The following MRPL52 variants were observed in gnomAD, a reference collection of about 807,000 sequenced individuals.
The protein encoded by MRPL52 is large ribosomal subunit protein mL52.
Under a neutral mutation model 22.1 loss-of-function variants are expected in MRPL52, and 19 were observed. That is an observed-to-expected ratio of 0.86 (90% confidence interval 0.60 to 1.26). The LOEUF is 1.26. Ranked by LOEUF, MRPL52 falls within the 50% of genes most tolerant of loss-of-function variation. The pLI is 0.00. For synonymous variants in MRPL52, 50 were observed against 57.5 expected (o/e 0.87, Z 0.59); for missense variants, 152 against 148.1 (o/e 1.03, Z -0.14).
At chr14:22,834,138 G>A in intron 4 of MRPL52, 34 bp from the exon 5 acceptor site, 1 of 1,609,994 alleles carries the variant, frequency 6.2e-7, no homozygotes, top group East Asian at 2.2e-5. Context: ...TGAAGTCCCA[G>A]ATGTTATCCA....
chr14:22,830,825 T>A, intron 3 of MRPL52: 1 of 590,984 alleles, frequency 1.7e-6, no homozygotes, highest in Non-Finnish European at 3.0e-6. Flanking sequence ...AGTGTACAAG[T>A]AGGAAATTTG....
Position 22,831,084 on chromosome 14 carries a change from ACT to A in MRPL52, c.154+833_154+834del, listed in dbSNP as rs1162385205. On this transcript the variant is annotated intron_variant, in intron 3 of 4. Coordinates refer to ENST00000397496, the MANE Select transcript of MRPL52 (RefSeq NM_180982.3). ...TGTAGTAGTATGGACTATTGGAAAG[ACT>A]CTGGAATTACATATGACTGCTTTTT... is the stretch of plus-strand genomic sequence containing the variant. The A allele has an allele frequency of 2.1e-5, 12 of 558,438 alleles. No individual in the cohort carries two copies. In the East Asian group the frequency reaches 4.4e-4, roughly 20 times the overall value. 34.6% of individuals were successfully genotyped at this position (558,438 alleles called of 1,614,324 possible).
At position 22,830,090 on chromosome 14, in the gene MRPL52, G is replaced by A. The variant is rs776066354; in HGVS notation, c.66G>A (p.Ala22=). The change falls in exon 2 of 5, where the codon GCG becomes GCA. Residue 22 remains alanine (A), a synonymous_variant. Transcript: ENST00000397496. ...RRLHCSVAAW[A]GGQWRLQQGL... is the part of the protein sequence containing the mutation. ...TGCACTGCAGCGTAGCCGCTTGGGC[G>A]GGCGGCCAGTGGCGACTACAGTGAG... 4 of 1,614,186 alleles carry A rather than the reference G, an allele frequency of 2.5e-6. No homozygotes were observed. In the Admixed American group the frequency reaches 5.0e-5, roughly 20 times the overall value.
At chr14:22,830,923 A>T in intron 3 of MRPL52, 3 of 1,376,348 alleles carry the variant, frequency 2.2e-6, no homozygotes, top group Non-Finnish European at 3.0e-6. Flanking sequence ...CCTTGACAAC[A>T]CAGAGATCTG....
intron 1 of MRPL52, 53 bp downstream of exon 1, chr14:22,829,993 A>G (rs1296080084): frequency 7.4e-6 from 12 of 1,613,048 alleles, no homozygotes; most frequent in African/African-American, 2.7e-5. Context: ...GGGGACGGGC[A>G]CAGGACCCCT....
At chr14:22,831,197 T>G (rs1184744113) in intron 3 of MRPL52, 10 of 546,314 alleles carry the variant, frequency 1.8e-5, no homozygotes, top group Non-Finnish European at 3.2e-5. Flanking sequence ...ACTGCAGCCT[T>G]GATCTCCTGG....
chr14:22,830,680 T>A (rs1363616904), intron 3 of MRPL52: 19 of 394,824 alleles, frequency 4.8e-5, no homozygotes, highest in Non-Finnish European at 7.3e-5. Context: ...ATGAAGACTA[T>A]GGATGGCAGG....
chr14:22,834,110 G>A lies in MRPL52; in HGVS notation c.220-62G>A. 4 of 1,525,356 alleles carry A rather than the reference G, an allele frequency of 2.6e-6. 1 individual carries two copies. In the South Asian group the frequency reaches 5.0e-5, roughly 19 times the overall value. 94.5% of individuals were successfully genotyped at this position (1,525,356 alleles called of 1,614,324 possible). The stretch of plus-strand genomic sequence containing the variant: ...GAAACCTCTGAATTTGTAAGTGGAA[G>A]GATATATAGTATAGCGCTGAAGTCC... On this transcript the variant is annotated intron_variant, in intron 4 of 4. Transcript: ENST00000397496.
Position 22,833,223 on chromosome 14 carries a change from C to T in MRPL52, c.155-195C>T, listed in dbSNP as rs979902548. On this transcript the variant is annotated intron_variant, in intron 3 of 4. Coordinates refer to ENST00000397496, the MANE Select transcript of MRPL52 (RefSeq NM_180982.3). Reference sequence around the variant, plus strand: ...AAAATGAAATAGAGTAGTAATATGTCTAGGAGCTTATTCTGGGTTATCGTA... The same window carrying T: ...AAAATGAAATAGAGTAGTAATATGTTTAGGAGCTTATTCTGGGTTATCGTA... 2.3e-5 allele frequency: 13 copies of T among 566,696 alleles called. No individual in the cohort carries two copies. In the East Asian group the frequency reaches 3.3e-4, roughly 14 times the overall value. 35.1% of individuals were successfully genotyped at this position (566,696 alleles called of 1,614,324 possible).
chr14:22,831,290 T>A, intron 3 of MRPL52: 1 of 388,314 alleles, frequency 2.6e-6, no homozygotes, highest in Non-Finnish European at 4.6e-6. Flanking sequence ...TTTTTTTTTT[T>A]AACTTTTAGT....
At chr14:22,830,845 GA>G in intron 3 of MRPL52, 1 of 662,208 alleles carries the variant, frequency 1.5e-6, no homozygotes. Flanking sequence ...GAGGCCTACA[GA>G]AGTGAATTGC....
At position 22,834,313 on chromosome 14, in the gene MRPL52, A is replaced by C; in HGVS notation, c.361A>C (p.Ser121Arg). The C allele has an allele frequency of 6.2e-7, 1 of 1,610,058 alleles. No homozygotes were observed. The highest frequency in any genetic ancestry group is 8.5e-7 in the Non-Finnish European group (1 of 1,178,752). ...KGASLKSPLP[S>R]Q ...GGCTTCACTGAAGAGCCCACTTCCA[A>C]GTCAATAAAAAGCAACTCCTGCCTC... Residue 121 changes from serine to arginine, a missense_variant, in exon 5 of 5, where the codon AGT becomes CGT. By Grantham distance (110) the Ser-to-Arg change is moderately radical. Transcript: ENST00000397496.
chr14:22,833,215 T>C, intron 3 of MRPL52: 1 of 524,026 alleles, frequency 1.9e-6, no homozygotes, highest in Non-Finnish European at 3.4e-6. Flanking sequence ...AATAGAGTAG[T>C]AATATGTCTA....
intron 4 of MRPL52, 79 bp downstream of exon 4, chr14:22,833,561 C>A: frequency 1.9e-6 from 2 of 1,045,054 alleles, no homozygotes; most frequent in Non-Finnish European, 3.0e-6. Context: ...TGTGTTGCAC[C>A]TAAGCAAACA....
chr14:22,832,846 T>A (rs1280781978), intron 3 of MRPL52, among the ~76,000 whole-genome samples: 2 of 151,614 alleles, frequency 1.3e-5, no homozygotes, highest in East Asian at 3.9e-4. Context: ...GCCATTGCAC[T>A]CCAGCCTGGG....
chr14:22,830,025 C>T (rs763224038), intron 1 of MRPL52, 28 bp from the exon 2 acceptor site: 1 of 1,613,864 alleles, frequency 6.2e-7, no homozygotes, highest in South Asian at 1.1e-5. Context: ...GCGGCCTCTC[C>T]CCCAACTCTG....
At chr14:22,833,375 G>C in intron 3 of MRPL52, 43 bp from the exon 4 acceptor site, 1 of 1,277,190 alleles carries the variant, frequency 7.8e-7, no homozygotes, top group East Asian at 2.3e-5. Context: ...AGGTGATGCA[G>C]TCCATCTCTA....
chr14:22,834,147 C>T (rs1213129845), intron 4 of MRPL52, 25 bp from the exon 5 acceptor site: 2 of 1,611,816 alleles, frequency 1.2e-6, no homozygotes, highest in Non-Finnish European at 1.7e-6. Context: ...AGATGTTATC[C>T]ACACTGTTTT....
Position 22,834,440 on chromosome 14 carries a change from C to G in MRPL52, c.*119C>G, listed in dbSNP as rs2039695575. On this transcript the variant is annotated 3_prime_UTR_variant, in exon 5 of 5. Coordinates refer to ENST00000397496, the MANE Select transcript of MRPL52 (RefSeq NM_180982.3). ...CCCATCTGTCTTCAGAGAAAAAGAG[C>G]TGGGACACCAAGAACAAGCTGTTAG... 4 of 1,151,052 alleles carry G rather than the reference C, an allele frequency of 3.5e-6. No individual in the cohort carries two copies. Among genetic ancestry groups the G allele is most frequent in the Non-Finnish European group, 4.8e-6 (4 of 827,954 alleles). 71.3% of individuals were successfully genotyped at this position (1,151,052 alleles called of 1,614,324 possible).
Sources: gnomAD v4.1 joint callset for allele counts (sites outside exome capture counted in the v4.1 genomes callset) on GRCh38, gnomAD v4.1.1 for gene constraint, MANE v1.5 for transcripts, NCBI Gene and HGNC (gene_info 2026-07-23, HGNC 2026-07-21) for gene names.